CACNA2D2: variants seen among roughly 807,000 people sequenced by gnomAD.
CACNA2D2 encodes the protein voltage-dependent calcium channel subunit alpha-2/delta-2.
Under a neutral mutation model 166.4 loss-of-function variants are expected in CACNA2D2, and 48 were observed. The observed-to-expected ratio is 0.29, with a 90% CI of 0.23 to 0.37. The LOEUF is 0.37. Among genes scored for constraint, CACNA2D2 ranks in the 10% least tolerant of loss-of-function variants. CACNA2D2 has a pLI of 1.00. For synonymous variants in CACNA2D2, 561 were observed against 573.7 expected, an observed-to-expected ratio of 0.98 and a Z score of 0.32; for missense variants, 1,122 against 1,433.0, an observed-to-expected ratio of 0.78 and a Z score of 3.50.
intron 2 of CACNA2D2, among the ~76,000 whole-genome samples, chr3:50,475,025 G>A (rs565933573): frequency 1.4e-4 from 21 of 152,186 alleles, no homozygotes; most frequent in African/African-American, 4.6e-4. Context: ...TTCCCACGGC[G>A]TTGCCACGTA....
rs2236954 is a variant in CACNA2D2, at chr3:50,387,746, C to A, written c.466-134G>T. 0.2 allele frequency: 142,352 copies of A among 698,294 alleles called. 21,768 individuals carry two copies. Among genetic ancestry groups the A allele is most frequent in the African/African-American group, 0.53 (29,443 of 55,108 alleles). The allele number at this position is 698,294 out of a possible 1,614,324, so 43.3% of individuals were successfully genotyped here. On this transcript the variant is annotated intron_variant, in intron 4 of 37. Coordinates refer to ENST00000424201, the MANE Select transcript of CACNA2D2 (RefSeq NM_006030.4). ...CTGTCCCTTTCCCCCACCCAGAGCC[C>A]CCCTCCTGGAAGGGCCGGATAGGTC...
At chr3:50,474,199 G>GA (rs1460243345) in intron 2 of CACNA2D2, among the ~76,000 whole-genome samples, 2 of 152,226 alleles carry the variant, frequency 1.3e-5, no homozygotes, top group Non-Finnish European at 2.9e-5. Flanking sequence ...GAGGGTGGGG[G>GA]AGACAGGCTC....
chr3:50,415,259 C>G (rs1303130649), intron 3 of CACNA2D2, among the ~76,000 whole-genome samples: 1 of 152,220 alleles, frequency 6.6e-6, no homozygotes, highest in Non-Finnish European at 1.5e-5. Context: ...CCTGGGTCTG[C>G]AATTCCACTT....
rs1704032494 is a variant in CACNA2D2 at position 50,363,391 on chromosome 3, C to A, written c.*1275G>T. ...ATATCCCCTTGCCCTCAGTTCCCCA[C>A]TGGCCCCCAGGCTGGGATGCCTTTG... On this transcript the variant is annotated 3_prime_UTR_variant, in exon 38 of 38. Transcript: ENST00000424201. 1 of 397,796 alleles carries A rather than the reference C, an allele frequency of 2.5e-6. No individual in the cohort carries two copies. Among genetic ancestry groups the A allele is most frequent in the Non-Finnish European group, 4.4e-6 (1 of 225,960 alleles). 24.6% of individuals were successfully genotyped at this position (397,796 alleles called of 1,614,324 possible). A position where few individuals can be genotyped will look rare whatever the true frequency, so the allele number is the denominator to read the frequency against.
At chr3:50,416,369 A>T (rs747318638) in intron 3 of CACNA2D2, among the ~76,000 whole-genome samples, 2 of 152,246 alleles carry the variant, frequency 1.3e-5, no homozygotes, top group Non-Finnish European at 2.9e-5. Context: ...GGCTAGCAGC[A>T]GAGGCCCGGC....
At chr3:50,397,226 G>C (rs936834249) in intron 3 of CACNA2D2, among the ~76,000 whole-genome samples, 2 of 152,226 alleles carry the variant, frequency 1.3e-5, no homozygotes, top group Admixed American at 1.3e-4. Flanking sequence ...TAACGGAGTC[G>C]TAATAGCCAC....
At chr3:50,483,496 C>T (rs943802946) in intron 1 of CACNA2D2, among the ~76,000 whole-genome samples, 2 of 152,194 alleles carry the variant, frequency 1.3e-5, no homozygotes, top group African/African-American at 4.8e-5. Context: ...CTAATTGGTG[C>T]TCTGCTGGGA....
At chr3:50,486,684 C>G (rs1698295387) in intron 1 of CACNA2D2, among the ~76,000 whole-genome samples, 1 of 152,178 alleles carries the variant, frequency 6.6e-6, no homozygotes, top group South Asian at 2.1e-4. Flanking sequence ...CCTAGGTTTC[C>G]CCTACCCTCT....
At chr3:50,434,282 C>A (rs1419086525) in intron 3 of CACNA2D2, 31 bp downstream of exon 3, 1 of 1,514,266 alleles carries the variant, frequency 6.6e-7, no homozygotes, top group Admixed American at 1.7e-5. Context: ...TCCCTCAGTG[C>A]CGCCCCCCTG....
intron 22 of CACNA2D2, 76 bp from the exon 23 acceptor site, chr3:50,370,456 G>A: frequency 1.9e-6 from 1 of 524,414 alleles, no homozygotes; most frequent in Non-Finnish European, 3.6e-6. Flanking sequence ...TGACGGGGCT[G>A]GAAGGACAGG....
At position 50,367,892 on chromosome 3, in the gene CACNA2D2, G is replaced by T; in HGVS notation, c.2154C>A (p.Phe718Leu). The T allele has an allele frequency of 2.3e-6, 2 of 888,618 alleles. No homozygotes were observed. The highest frequency in any genetic ancestry group is 3.4e-6 in the Non-Finnish European group (2 of 588,804). 55.0% of individuals were successfully genotyped at this position (888,618 alleles called of 1,614,324 possible). A position where few individuals can be genotyped will look rare whatever the true frequency, so the allele number is the denominator to read the frequency against. Residue 718 changes from phenylalanine (F) to leucine (L), a missense_variant, in exon 25 of 38, where the codon TTC becomes TTA. Coordinates refer to ENST00000424201, the MANE Select transcript of CACNA2D2 (RefSeq NM_006030.4). The surrounding 1 kb of genome is among the most constrained non-coding windows in gnomAD (Gnocchi z 6.5). ...VTPDSKQCNNFLLHNLILDTG... is the reference protein window; with the variant it reads ...VTPDSKQCNNLLLHNLILDTG... ...TGTCCAAGATCAGGTTGTGCAGAAG[G>T]AAGTTGTTGCCTGGAACAGGAGGGG...
intron 1 of CACNA2D2, among the ~76,000 whole-genome samples, chr3:50,493,946 T>A (rs1698621207): frequency 6.6e-6 from 1 of 152,174 alleles, no homozygotes; most frequent in African/African-American, 2.4e-5. Context: ...GACCTTCAAG[T>A]GTCCCAGATA....
chr3:50,444,115 G>A (rs1708732472), intron 2 of CACNA2D2, among the ~76,000 whole-genome samples: 1 of 152,170 alleles, frequency 6.6e-6, no homozygotes, highest in South Asian at 2.1e-4. Context: ...GATAGGTCAG[G>A]TGAGCAACCT....
intron 2 of CACNA2D2, among the ~76,000 whole-genome samples, chr3:50,450,855 C>T (rs950941267): frequency 1.3e-5 from 2 of 152,196 alleles, no homozygotes; most frequent in Non-Finnish European, 2.9e-5. Flanking sequence ...GCCGATGTCA[C>T]GGGTGTCCTT....
At chr3:50,410,251 T>A (rs968441554) in intron 3 of CACNA2D2, among the ~76,000 whole-genome samples, 3 of 152,134 alleles carry the variant, frequency 2.0e-5, no homozygotes, top group Non-Finnish European at 2.9e-5. Flanking sequence ...GACAGGACCA[T>A]CCCCTCAGAA....
chr3:50,369,563 T>C (rs2109418559), intron 23 of CACNA2D2, among the ~76,000 whole-genome samples: 1 of 152,352 alleles, frequency 6.6e-6, no homozygotes, highest in Admixed American at 6.5e-5. Context: ...AGAGCCCCCG[T>C]GTGCTGCCTT....
At chr3:50,426,488 G>T (rs1358066237) in intron 3 of CACNA2D2, among the ~76,000 whole-genome samples, 1 of 152,204 alleles carries the variant, frequency 6.6e-6, no homozygotes, top group East Asian at 1.9e-4. Flanking sequence ...CACCCAAGGT[G>T]TTGAGCTTCC....
chr3:50,393,993 A>C, intron 4 of CACNA2D2, 116 bp downstream of exon 4: 1 of 859,584 alleles, frequency 1.2e-6, no homozygotes, highest in Non-Finnish European at 1.9e-6. Flanking sequence ...TTCTGGCTCT[A>C]CTCCACAGAC....
intron 1 of CACNA2D2, among the ~76,000 whole-genome samples, chr3:50,501,788 A>G (rs1107312): frequency 0.082 from 12,436 of 152,234 alleles, 1,283 homozygotes; most frequent in East Asian, 0.32. Context: ...TTTAAGCACT[A>G]TGATTGAAGT....
Sources: gnomAD v4.1 joint callset for allele counts (sites outside exome capture counted in the v4.1 genomes callset) on GRCh38, gnomAD v4.1.1 for gene constraint, Gnocchi (gnomAD v3.1) non-coding constraint, MANE v1.5 for transcripts, NCBI Gene and HGNC (gene_info 2026-07-23, HGNC 2026-07-21) for gene names.